The following BMAL1 variants were observed in gnomAD, a reference collection of about 807,000 sequenced individuals.
BMAL1 encodes basic helix-loop-helix ARNT like 1.
the BMAL1 span, among the ~76,000 whole-genome samples, chr11:13,369,240 G>C: frequency 6.6e-6 from 1 of 152,314 alleles, no homozygotes; most frequent in East Asian, 1.9e-4. Context: ...GGGAAGCACA[G>C]GTTGTCTTTG....
the BMAL1 span, chr11:13,375,735 A>G: frequency 1.3e-6 from 2 of 1,592,678 alleles, no homozygotes; most frequent in Non-Finnish European, 1.7e-6. Context: ...GAAGTAGAAT[A>G]TATTGTCTCA....
At chr11:13,296,945 G>A in the BMAL1 span, among the ~76,000 whole-genome samples, 1 of 152,176 alleles carries the variant, frequency 6.6e-6, no homozygotes, top group African/African-American at 2.4e-5. Context: ...AGTGTTGTCA[G>A]GAGTTCTTGG....
the BMAL1 span, among the ~76,000 whole-genome samples, chr11:13,327,184 A>G: frequency 6.6e-6 from 1 of 151,894 alleles, no homozygotes; most frequent in Non-Finnish European, 1.5e-5. Flanking sequence ...ACTTGAGGCC[A>G]GGAATTCAAG....
chr11:13,308,048 C>T, the BMAL1 span, among the ~76,000 whole-genome samples: 6 of 151,910 alleles, frequency 3.9e-5, no homozygotes, highest in African/African-American at 1.2e-4. Context: ...AGGAGACTGT[C>T]GCAGCAATCT....
At chr11:13,312,707 T>C in the BMAL1 span, among the ~76,000 whole-genome samples, 2 of 152,234 alleles carry the variant, frequency 1.3e-5, no homozygotes, top group Non-Finnish European at 2.9e-5. Context: ...CAGGCTCCTA[T>C]TTTGTCTTGT....
chr11:13,331,372 T>C, the BMAL1 span, among the ~76,000 whole-genome samples: 1 of 152,220 alleles, frequency 6.6e-6, no homozygotes, highest in Non-Finnish European at 1.5e-5. Context: ...TGGAAAAAGG[T>C]GCAGTACATT....
At chr11:13,378,272 TTAATACA>T in the BMAL1 span, 5 of 1,493,492 alleles carry the variant, frequency 3.3e-6, no homozygotes, top group East Asian at 7.6e-5. Flanking sequence ...TGGTTTTACT[TTAATACA>T]TAATAGTATT....
At chr11:13,291,383 G>A in the BMAL1 span, among the ~76,000 whole-genome samples, 1 of 152,128 alleles carries the variant, frequency 6.6e-6, no homozygotes, top group East Asian at 1.9e-4. Context: ...TAAGGGTGGC[G>A]AGGGGAGTGA....
chr11:13,349,644 C>T, the BMAL1 span, among the ~76,000 whole-genome samples: 13 of 152,364 alleles, frequency 8.5e-5, no homozygotes, highest in African/African-American at 2.9e-4. Context: ...TAACTTCCTT[C>T]TAAGGACATG....
the BMAL1 span, among the ~76,000 whole-genome samples, chr11:13,384,260 A>C: frequency 6.6e-6 from 1 of 152,210 alleles, no homozygotes; most frequent in African/African-American, 2.4e-5. Context: ...ATCTTCCTAA[A>C]ACTTAAAAAA....
At chr11:13,350,610 G>A in the BMAL1 span, among the ~76,000 whole-genome samples, 4 of 152,290 alleles carry the variant, frequency 2.6e-5, no homozygotes, top group East Asian at 3.9e-4. Flanking sequence ...CAATAAAGGT[G>A]TATTTCAAGT....
chr11:13,385,433 T>C, the BMAL1 span, among the ~76,000 whole-genome samples: 3 of 152,216 alleles, frequency 2.0e-5, no homozygotes, highest in East Asian at 1.9e-4. Flanking sequence ...TTCCAGGCAG[T>C]TGAATGCTCT....
the BMAL1 span, among the ~76,000 whole-genome samples, chr11:13,288,420 T>TTCTTTC: frequency 2.3e-5 from 1 of 43,564 alleles, no homozygotes; most frequent in Admixed American, 2.5e-4. Context: ...CTTTCTTTTT[T>TTCTTTC]TTTCTTTTTT....
chr11:13,290,530 C>A, the BMAL1 span, among the ~76,000 whole-genome samples: 3 of 151,710 alleles, frequency 2.0e-5, no homozygotes, highest in African/African-American at 7.3e-5. Flanking sequence ...TCTGCCAAAT[C>A]TAAATTTCTG....
chr11:13,320,791 A>T, the BMAL1 span, among the ~76,000 whole-genome samples: 126 of 152,310 alleles, frequency 8.3e-4, 1 homozygote, highest in African/African-American at 2.9e-3. Flanking sequence ...GTGTATTCTC[A>T]GGAGCTTAGT....
At chr11:13,378,186 T>TCC in the BMAL1 span, 1 of 1,145,712 alleles carries the variant, frequency 8.7e-7, no homozygotes, top group South Asian at 2.0e-5. Flanking sequence ...GAATGCCTTT[T>TCC]CCTGACAAGC....
At chr11:13,285,300 C>G in the BMAL1 span, among the ~76,000 whole-genome samples, 3 of 152,106 alleles carry the variant, frequency 2.0e-5, no homozygotes, top group African/African-American at 7.2e-5. Context: ...TCAGTTACTC[C>G]GTCAGTGAAG....
At chr11:13,385,685 G>A in the BMAL1 span, 1 of 1,605,498 alleles carries the variant, frequency 6.2e-7, no homozygotes, top group East Asian at 2.2e-5. Flanking sequence ...CCTTTTGTTT[G>A]TAGATTTTAA....
At chr11:13,335,097 G>A in the BMAL1 span, among the ~76,000 whole-genome samples, 3 of 152,156 alleles carry the variant, frequency 2.0e-5, no homozygotes, top group African/African-American at 7.2e-5. Context: ...ATAAAATCTG[G>A]TTCTACCAAA....
Sources: allele counts gnomAD v4.1 joint callset (sites outside exome capture counted in the v4.1 genomes callset), GRCh38; gene constraint gnomAD v4.1.1; transcripts MANE v1.5; gene names NCBI Gene and HGNC (gene_info 2026-07-23, HGNC 2026-07-21).